The following HMGXB3 variants were observed in gnomAD, a reference collection of about 807,000 sequenced individuals.
HMGXB3 encodes the protein HMG domain-containing protein 3.
Under a neutral mutation model 121.5 loss-of-function variants are expected in HMGXB3, and 45 were observed. The ratio of observed to expected loss-of-function variants is 0.37; its 90% CI spans 0.29 to 0.47. The LOEUF is 0.47. HMGXB3 is among the 20% of genes least tolerant of loss of function. The pLI, the probability that HMGXB3 is intolerant of heterozygous loss-of-function variation, is 0.99. For missense variants in HMGXB3, 1,376 were observed against 1,602.2 expected (o/e 0.86, Z 2.41); for synonymous variants, 590 against 624.1 (o/e 0.95, Z 0.81).
In HMGXB3 at chr5:150,041,940, G is replaced by A; in HGVS notation, c.2701G>A (p.Glu901Lys). The A allele has an allele frequency of 6.4e-7, 1 of 1,551,628 alleles. No homozygotes were observed. Among genetic ancestry groups the A allele is most frequent in the Non-Finnish European group, 8.7e-7 (1 of 1,146,946 alleles). The change falls in exon 15 of 20, where the codon GAG becomes AAG. Residue 901 changes from glutamate to lysine, a missense_variant. Physicochemically the swap from Glu to Lys is moderately conservative, Grantham distance 56 (BLOSUM62 1). Coordinates refer to ENST00000502717, the MANE Select transcript of HMGXB3 (RefSeq NM_014983.3). Reference protein sequence around the residue: ...PKVEMAQRSEENVLALKSVEF... With the variant: ...PKVEMAQRSEKNVLALKSVEF... Reference sequence around the variant, plus strand: ...AGTGGAAATGGCTCAGAGGAGTGAAGAGAATGTGCTAGCACTGAAGAGCGT... The same window carrying A: ...AGTGGAAATGGCTCAGAGGAGTGAAAAGAATGTGCTAGCACTGAAGAGCGT...
At chr5:150,018,366 C>A (rs1466277950) in intron 5 of HMGXB3, among the ~76,000 whole-genome samples, 200 bp from the exon 6 acceptor site, 1 of 152,138 alleles carries the variant, frequency 6.6e-6, no homozygotes, top group African/African-American at 2.4e-5. Context: ...ATTGTCTTTC[C>A]CCATTTGAAC....
In HMGXB3 at chr5:150,052,156, G is replaced by A. The variant is rs746291996; in HGVS notation, c.3843G>A (p.Glu1281=). The change falls in exon 20 of 20, where the codon GAG becomes GAA. Residue 1281 remains glutamate (E), a synonymous_variant. Transcript: ENST00000502717. Reference sequence around the variant, plus strand: ...AGATCAAGACAGAGACAGAGGAGGAGGGTGAGGAAGAGGAGGTGGCCGCAG... The same window carrying A: ...AGATCAAGACAGAGACAGAGGAGGAAGGTGAGGAAGAGGAGGTGGCCGCAG... The part of the protein sequence containing the change: ...VAQIKTETEE[E]GEEEEVAAVA... 9.0e-6 allele frequency: 14 copies of A among 1,548,670 alleles called. No homozygotes were observed. The African/African-American group carries it at 1.5e-4, about 17-fold the overall frequency.
At chr5:150,005,539 C>T (rs10035885) in intron 2 of HMGXB3, among the ~76,000 whole-genome samples, 8,187 of 143,996 alleles carry the variant, frequency 0.057, 747 homozygotes, top group African/African-American at 0.2. Flanking sequence ...GCGGAGGTTG[C>T]GGTGAGCCAA....
chr5:150,006,207 A>C (rs1000829186), intron 2 of HMGXB3, among the ~76,000 whole-genome samples: 4 of 152,338 alleles, frequency 2.6e-5, no homozygotes, highest in African/African-American at 9.6e-5. Context: ...TATCAGTTAT[A>C]ATCAGGAATA....
Position 150,010,112 on chromosome 5 carries a change from A to T in HMGXB3, c.314A>T (p.Asn105Ile). The T allele has an allele frequency of 6.5e-7, 1 of 1,549,568 alleles. No individual in the cohort carries two copies. Among genetic ancestry groups the T allele is most frequent in the Non-Finnish European group, 8.7e-7 (1 of 1,145,826 alleles). ...CCTTCCTGGCTTCCTCATCCTCAGAACTCTAAGCTCTCTGCACTGACTGCT... is the reference window on the plus strand; with the variant it reads ...CCTTCCTGGCTTCCTCATCCTCAGATCTCTAAGCTCTCTGCACTGACTGCT... Reference protein sequence around the residue: ...AKLEKEGLDPNSKLSALTAVV... With the variant: ...AKLEKEGLDPISKLSALTAVV... Residue 105 changes from asparagine (N) to isoleucine (I), a missense_variant and splice_region_variant, in exon 4 of 20, where the codon AAC becomes ATC. Coordinates refer to ENST00000502717, the MANE Select transcript of HMGXB3 (RefSeq NM_014983.3).
intron 5 of HMGXB3, among the ~76,000 whole-genome samples, chr5:150,013,653 G>A (rs1484299521): frequency 1.3e-5 from 2 of 152,164 alleles, no homozygotes; most frequent in African/African-American, 2.4e-5. Flanking sequence ...TTTTCTTTGT[G>A]AGAAGGTTTT....
intron 9 of HMGXB3, among the ~76,000 whole-genome samples, chr5:150,029,705 A>C (rs1284828839): frequency 6.6e-6 from 1 of 152,222 alleles, no homozygotes; most frequent in Non-Finnish European, 1.5e-5. Flanking sequence ...CCAGGTTGGA[A>C]TAGGAAAACG....
chr5:150,030,970 A>G, intron 10 of HMGXB3, 131 bp downstream of exon 10: 1 of 619,760 alleles, frequency 1.6e-6, no homozygotes, highest in South Asian at 2.0e-5. Flanking sequence ...ATAGATTGTT[A>G]ATGATGAAGA....
chr5:150,008,394 A>G (rs1581246289), intron 3 of HMGXB3, among the ~76,000 whole-genome samples: 1 of 152,212 alleles, frequency 6.6e-6, no homozygotes, highest in Admixed American at 6.5e-5. Flanking sequence ...AAAATAGGTA[A>G]TGTAAATCAC....
intron 7 of HMGXB3, among the ~76,000 whole-genome samples, 185 bp downstream of exon 7, chr5:150,024,865 G>A (rs1171334909): frequency 6.6e-6 from 1 of 152,172 alleles, no homozygotes. Flanking sequence ...TGCTATTCAT[G>A]TACTGCTGTC....
intron 12 of HMGXB3, among the ~76,000 whole-genome samples, 175 bp from the exon 13 acceptor site, chr5:150,037,225 C>A (rs1162761732): frequency 6.6e-6 from 1 of 152,142 alleles, no homozygotes; most frequent in East Asian, 1.9e-4. Context: ...GTAATAAATT[C>A]AGAGTTACAT....
intron 6 of HMGXB3, among the ~76,000 whole-genome samples, chr5:150,019,079 G>A (rs1291490843): frequency 1.3e-5 from 2 of 151,672 alleles, no homozygotes; most frequent in African/African-American, 4.8e-5. Context: ...AAAGTGCTGG[G>A]ATTACAGCAC....
At chr5:150,026,146 A>T (rs79594201) in intron 7 of HMGXB3, among the ~76,000 whole-genome samples, 35 of 143,192 alleles carry the variant, frequency 2.4e-4, no homozygotes, top group Admixed American at 3.6e-4. Context: ...TGCTTTTTTT[A>T]AAAAAAATCA....
At chr5:150,047,000 T>C (rs1037365521) in intron 16 of HMGXB3, among the ~76,000 whole-genome samples, 7 of 150,286 alleles carry the variant, frequency 4.7e-5, no homozygotes, top group Non-Finnish European at 1.0e-4. Flanking sequence ...TTCTCCTGTC[T>C]CAGCCTCCCA....
chr5:150,024,471 A>G lies in HMGXB3; in HGVS notation c.1251A>G (p.Glu417=), dbSNP rs1756174621. 6.4e-7 allele frequency: 1 copy of G among 1,551,608 alleles called. No homozygotes were observed. The highest frequency in any genetic ancestry group is 8.7e-7 in the Non-Finnish European group (1 of 1,147,002). ...TAGGTGAGGAGAGTGAGTGGGAGGA[A>G]GTGATCATCTCCGATGCCCATGTTT... ...REVGEESEWE[E]VIISDAHVLV... is the part of the protein sequence containing the mutation. Residue 417 remains glutamate (E), a synonymous_variant, in exon 7 of 20, where the codon GAA becomes GAG. Transcript: ENST00000502717.
intron 18 of HMGXB3, among the ~76,000 whole-genome samples, 180 bp from the exon 19 acceptor site, chr5:150,050,072 G>A (rs546005918): frequency 6.6e-6 from 1 of 152,340 alleles, no homozygotes; most frequent in Non-Finnish European, 1.5e-5. Context: ...ATGAGCTGGT[G>A]ACTTCATTTA....
At chr5:150,042,130 A>G (rs906058616) in intron 15 of HMGXB3, among the ~76,000 whole-genome samples, 161 bp downstream of exon 15, 1 of 152,266 alleles carries the variant, frequency 6.6e-6, no homozygotes, top group Non-Finnish European at 1.5e-5. Context: ...AGGGAATGCC[A>G]GATGGAAATG....
chr5:150,015,065 A>G, intron 5 of HMGXB3: 1 of 430,108 alleles, frequency 2.3e-6, no homozygotes, highest in Non-Finnish European at 4.1e-6. Flanking sequence ...AGTTAGTAAC[A>G]AAAGCCAAAG....
chr5:150,002,648 C>A (rs1321691452), intron 1 of HMGXB3, among the ~76,000 whole-genome samples: 1 of 152,032 alleles, frequency 6.6e-6, no homozygotes, highest in Non-Finnish European at 1.5e-5. Context: ...GGTAAAAGTC[C>A]AATTTAGAAC....
Sources: gnomAD v4.1 joint callset for allele counts (sites outside exome capture counted in the v4.1 genomes callset) on GRCh38, gnomAD v4.1.1 for gene constraint, MANE v1.5 for transcripts, NCBI Gene and HGNC (gene_info 2026-07-23, HGNC 2026-07-21) for gene names.